LUZP2: variants seen among roughly 807,000 people sequenced by gnomAD.
LUZP2 encodes the protein leucine zipper protein 2.
Under a neutral mutation model 51.6 loss-of-function variants are expected in LUZP2, and 52 were observed. The ratio of observed to expected loss-of-function variants is 1.01; its 90% confidence interval spans 0.81 to 1.27. The LOEUF (loss-of-function observed/expected upper bound fraction) is 1.27. Ranked by LOEUF, LUZP2 falls within the 50% of genes most tolerant of loss-of-function variation. The pLI, the probability that LUZP2 is intolerant of heterozygous loss-of-function variation, is 0.00. For missense variants in LUZP2, 436 were observed against 395.4 expected (o/e 1.10, Z -0.87); for synonymous variants, 154 against 137.3 (o/e 1.12, Z -0.85).
chr11:24,838,981 C>G (rs1471603329), intron 5 of LUZP2, among the ~76,000 whole-genome samples: 1 of 151,568 alleles, frequency 6.6e-6, no homozygotes, highest in African/African-American at 2.4e-5. Flanking sequence ...TAACTGTTAG[C>G]ATTCACATTC....
intron 1 of LUZP2, among the ~76,000 whole-genome samples, chr11:24,685,327 C>G (rs1424219021): frequency 6.6e-6 from 1 of 152,116 alleles, no homozygotes; most frequent in Non-Finnish European, 1.5e-5. Context: ...AAGTGACTAC[C>G]TGCAACTAAA....
At chr11:24,587,895 T>A (rs894372729) in intron 1 of LUZP2, among the ~76,000 whole-genome samples, 3 of 152,188 alleles carry the variant, frequency 2.0e-5, no homozygotes, top group Non-Finnish European at 2.9e-5. Context: ...AAATGTTCCA[T>A]GGATGCTGGA....
intron 5 of LUZP2, among the ~76,000 whole-genome samples, chr11:24,802,767 C>A (rs1849730965): frequency 1.3e-5 from 2 of 151,988 alleles, no homozygotes; most frequent in South Asian, 4.2e-4. Flanking sequence ...GTAAAATTCA[C>A]ATGTTGAAAA....
intron 5 of LUZP2, among the ~76,000 whole-genome samples, chr11:24,905,453 G>T (rs1406223290): frequency 6.6e-6 from 1 of 152,032 alleles, no homozygotes; most frequent in Non-Finnish European, 1.5e-5. Flanking sequence ...GCTTCAACCT[G>T]GAAGGCAGAG....
Position 25,044,026 on chromosome 11 carries a change from T to C in LUZP2, c.766-6012T>C, listed in dbSNP as rs1590869730. ...ATATATAGTCTATATATATCTGATA[T>C]ATATAGAGTCTATATATATATCTGA... is the stretch of plus-strand genomic sequence containing the variant. On this transcript the variant is annotated intron_variant, in intron 9 of 11. Transcript: ENST00000336930. Among the ~76,000 whole-genome samples the C allele has an allele frequency of 2.7e-5, 4 of 147,548 alleles. No individual in the cohort carries two copies. The South Asian group carries it at 8.4e-4, about 31-fold the overall frequency.
chr11:24,531,645 T>G (rs888249454), intron 1 of LUZP2, among the ~76,000 whole-genome samples: 3 of 150,924 alleles, frequency 2.0e-5, no homozygotes, highest in African/African-American at 7.3e-5. Context: ...TGAGTAGAAC[T>G]TTTTTAGCTT....
At chr11:24,980,069 C>T (rs1399879140) in intron 8 of LUZP2, among the ~76,000 whole-genome samples, 2 of 151,806 alleles carry the variant, frequency 1.3e-5, no homozygotes, top group Non-Finnish European at 2.9e-5. Flanking sequence ...GCTCTCTGAG[C>T]TGATTTCATG....
chr11:24,951,249 A>C (rs1186710017), intron 7 of LUZP2, among the ~76,000 whole-genome samples: 1 of 151,576 alleles, frequency 6.6e-6, no homozygotes, highest in Non-Finnish European at 1.5e-5. Flanking sequence ...AGCCTTTTCA[A>C]GTTTCTCTTG....
chr11:24,631,317 T>C (rs1044534028), intron 1 of LUZP2, among the ~76,000 whole-genome samples: 4 of 152,082 alleles, frequency 2.6e-5, no homozygotes, highest in Middle Eastern at 3.4e-3. Context: ...ATGTTGGCTA[T>C]AGGTTTGTTG....
chr11:24,988,913 TC>T (rs1413046958), intron 9 of LUZP2, among the ~76,000 whole-genome samples: 2 of 151,724 alleles, frequency 1.3e-5, no homozygotes, highest in East Asian at 3.9e-4. Context: ...TGTTGTGTCC[TC>T]CAAGAAGACA....
chr11:24,751,567 C>A (rs1038217659), intron 4 of LUZP2: 15 of 980,912 alleles, frequency 1.5e-5, no homozygotes, highest in Non-Finnish European at 1.8e-5. Context: ...AGTCGTAGTA[C>A]CCACCCCATC....
chr11:24,898,516 G>A (rs987428103), intron 5 of LUZP2, among the ~76,000 whole-genome samples: 13 of 152,192 alleles, frequency 8.5e-5, no homozygotes, highest in African/African-American at 2.2e-4. Context: ...CCCGCTACGC[G>A]GGAGCCTGAG....
At chr11:24,823,169 G>T (rs1850411688) in intron 5 of LUZP2, among the ~76,000 whole-genome samples, 1 of 152,210 alleles carries the variant, frequency 6.6e-6, no homozygotes. Context: ...TAGTCAGTGG[G>T]ACCAGCTGTT....
chr11:24,732,036 A>G lies in LUZP2; in HGVS notation c.181-82A>G, dbSNP rs1858731848. 3 of 994,068 alleles carry G rather than the reference A, an allele frequency of 3.0e-6. No individual in the cohort carries two copies. The Admixed American group carries it at 6.3e-5, about 21-fold the overall frequency. The allele number at this position is 994,068 out of a possible 1,614,324, so 61.6% of individuals were successfully genotyped here. On this transcript the variant is annotated intron_variant, in intron 2 of 11. Transcript: ENST00000336930. ...TGTTCCAGGGCATATGTGCAGTCCT[A>G]TCTAGTACTCTAGAACCAAAGTTAA...
chr11:24,992,268 C>T (rs1338602635), intron 9 of LUZP2, among the ~76,000 whole-genome samples: 1 of 151,980 alleles, frequency 6.6e-6, no homozygotes, highest in African/African-American at 2.4e-5. Flanking sequence ...AATTGAACTA[C>T]TAGAATTGGT....
Position 24,914,538 on chromosome 11 carries a change from G to T in LUZP2, c.522G>T (p.Lys174Asn). The change falls in exon 7 of 12, where the codon AAG becomes AAT. Residue 174 changes from lysine (K) to asparagine (N), a missense_variant and splice_region_variant. Physicochemically the swap from Lys to Asn is moderately conservative, Grantham distance 94. Transcript: ENST00000336930. Reference sequence around the variant, plus strand: ...ATGGGAAGAAGGATTTATTATTTAAGGTGAGTCTCTTTTCTCTCTTTTCCC... The same window carrying T: ...ATGGGAAGAAGGATTTATTATTTAATGTGAGTCTCTTTTCTCTCTTTTCCC... The part of the protein sequence containing the change: ...LRYGKKDLLF[K>N]AQQLTDLEQK... 1 of 1,600,340 alleles carries T rather than the reference G, an allele frequency of 6.2e-7. No homozygotes were observed. Among genetic ancestry groups the T allele is most frequent in the East Asian group, 2.3e-5 (1 of 44,260 alleles).
intron 5 of LUZP2, among the ~76,000 whole-genome samples, chr11:24,837,702 G>A (rs1339659744): frequency 4.6e-5 from 7 of 151,610 alleles, no homozygotes; most frequent in East Asian, 3.9e-4. Flanking sequence ...TCATCATTAC[G>A]GTGTCCTTCT....
intron 4 of LUZP2, among the ~76,000 whole-genome samples, chr11:24,761,525 A>T (rs1859979287): frequency 6.6e-6 from 1 of 152,144 alleles, no homozygotes; most frequent in African/African-American, 2.4e-5. Context: ...GGGAAAAATC[A>T]TTCAAAGGAT....
intron 5 of LUZP2, among the ~76,000 whole-genome samples, chr11:24,821,873 TTA>T (rs143517041): frequency 3.8e-4 from 57 of 148,146 alleles, no homozygotes; most frequent in African/African-American, 6.2e-4. Context: ...CCAGAAATAT[TTA>T]TATATATATA....
Sources: gnomAD v4.1 joint callset for allele counts (sites outside exome capture counted in the v4.1 genomes callset) on GRCh38, gnomAD v4.1.1 for gene constraint, MANE v1.5 for transcripts, NCBI Gene and HGNC (gene_info 2026-07-23, HGNC 2026-07-21) for gene names.